Variants in UTY observed in about 807,000 individuals in gnomAD.
UTY encodes histone demethylase UTY.
A neutral mutation model predicts 32.5 loss-of-function variants in UTY; 12 were observed. The observed-to-expected ratio is 0.37, with a 90% CI of 0.24 to 0.60. The LOEUF (loss-of-function observed/expected upper bound fraction) is 0.60, where lower values mean the gene tolerates loss of function less well. Ranked by LOEUF, UTY falls within the 20% of genes least tolerant of loss-of-function variation. UTY has a pLI of 0.69. For missense variants in UTY, 303 were observed against 299.2 expected, an observed-to-expected ratio of 1.01 and a Z score of -0.09; for synonymous variants, 131 against 103.4, an observed-to-expected ratio of 1.27 and a Z score of -1.62.
intron 2 of UTY, among the ~76,000 whole-genome samples, chrY:13,473,813 G>A (rs971856260): frequency 3.0e-5 from 1 of 33,313 alleles, no homozygotes; most frequent in Non-Finnish European, 7.4e-5. Context: ...TTATAATGCA[G>A]ATGAAAAAAT....
At chrY:13,462,172 G>A (rs532851536) in intron 3 of UTY, among the ~76,000 whole-genome samples, 269 of 33,346 alleles carry the variant, frequency 8.1e-3, no homozygotes, top group Non-Finnish European at 0.017. Flanking sequence ...GGTGGCAAAT[G>A]TATTACTGAA....
chrY:13,378,751 G>A (rs2065675164), intron 8 of UTY, among the ~76,000 whole-genome samples: 2 of 32,166 alleles, frequency 6.2e-5, no homozygotes, highest in Non-Finnish European at 1.5e-4. Context: ...CTTCAGCCTG[G>A]GCAACAAAGC....
intron 8 of UTY, among the ~76,000 whole-genome samples, chrY:13,376,207 T>A (rs2065379738): frequency 8.9e-5 from 3 of 33,573 alleles, no homozygotes; most frequent in African/African-American, 3.5e-4. Context: ...TTATTCAATA[T>A]GTGATTTTTA....
At chrY:13,410,383 T>C (rs2149661588) in intron 6 of UTY, among the ~76,000 whole-genome samples, 1 of 33,198 alleles carries the variant, frequency 3.0e-5, no homozygotes, top group Non-Finnish European at 7.5e-5. Flanking sequence ...ACAAAATAGC[T>C]TCACATAGCA....
chrY:13,471,800 C>T, intron 2 of UTY, among the ~76,000 whole-genome samples: 1 of 29,472 alleles, frequency 3.4e-5, no homozygotes, highest in Non-Finnish European at 8.1e-5. Context: ...TCCAGCCTGA[C>T]CAACAGAGTG....
intron 17 of UTY, among the ~76,000 whole-genome samples, chrY:13,350,146 G>A (rs2062239798): frequency 2.9e-5 from 1 of 33,962 alleles, no homozygotes; most frequent in African/African-American, 1.2e-4. Context: ...CTCCAAAACT[G>A]TGAGAAATTT....
chrY:13,305,907 TA>T (rs2058650997), intron 23 of UTY, 130 bp downstream of exon 23: 3 of 208,877 alleles, frequency 1.4e-5, no homozygotes, highest in Non-Finnish European at 2.3e-5. Context: ...CATGTCAACA[TA>T]AAAAAACAAG....
At chrY:13,301,811 A>G (rs2058388732) in intron 25 of UTY, among the ~76,000 whole-genome samples, 1 of 33,653 alleles carries the variant, frequency 3.0e-5, no homozygotes, top group Non-Finnish European at 7.4e-5. Context: ...TAGGTTCAGA[A>G]CAAAGAGTTC....
chrY:13,477,908 T>C (rs752452312), intron 2 of UTY, among the ~76,000 whole-genome samples: 1 of 34,063 alleles, frequency 2.9e-5, no homozygotes, highest in South Asian at 6.3e-4. Context: ...AATCAAAGTT[T>C]AACTCATGTT....
In UTY at chrY:13,335,593, G is replaced by C. The variant is rs369641629; in HGVS notation, c.2804C>G (p.Pro935Arg). 2.5e-5 allele frequency: 10 copies of C among 396,537 alleles called. No individual in the cohort carries two copies. Among genetic ancestry groups the C allele is most frequent in the Non-Finnish European group, 3.5e-5 (10 of 283,109 alleles). Residue 935 changes from proline (P) to arginine (R), a missense_variant, in exon 18 of 30, where the codon CCC becomes CGC. Physicochemically the swap from Pro to Arg is moderately radical, Grantham distance 103. Transcript: ENST00000545955. Reference sequence around the variant, plus strand: ...TGCTTTCAGAACTTCTGTTGAACTGGGGCATATAGACACTGACATTGATGG... The same window carrying C: ...TGCTTTCAGAACTTCTGTTGAACTGCGGCATATAGACACTGACATTGATGG... ...ILPSMSVSIC[P>R]SSTEVLKACR...
chrY:13,398,886 AT>A (rs2068598830), intron 6 of UTY, among the ~76,000 whole-genome samples: 1 of 33,126 alleles, frequency 3.0e-5, no homozygotes, highest in Non-Finnish European at 7.5e-5. Context: ...AATGAAAAAG[AT>A]TTTTTTCTTT....
At chrY:13,390,605 T>A (rs751712386) in intron 8 of UTY, among the ~76,000 whole-genome samples, 583 of 33,750 alleles carry the variant, frequency 0.017, no homozygotes, top group Middle Eastern at 0.042. Context: ...TTGATCATAG[T>A]ATGTTAGCCT....
At chrY:13,480,089 C>T, upstream of UTY, 6 of 56,874 alleles carry the variant, frequency 1.1e-4, no homozygotes, top group South Asian at 7.1e-4. Context: ...CACTGTACTC[C>T]TAGGCTGCTG....
At chrY:13,343,322 G>A in intron 17 of UTY, among the ~76,000 whole-genome samples, 2 of 32,176 alleles carry the variant, frequency 6.2e-5, no homozygotes, top group African/African-American at 1.2e-4. Flanking sequence ...CCATACGATC[G>A]TCACCCTGAT....
intron 18 of UTY, among the ~76,000 whole-genome samples, chrY:13,326,613 T>G: frequency 3.0e-5 from 1 of 33,848 alleles, no homozygotes; most frequent in Non-Finnish European, 7.3e-5. Context: ...AAATTCCTCG[T>G]TATTCATTTT....
At chrY:13,261,922 C>T (rs950518686) in intron 27 of UTY, among the ~76,000 whole-genome samples, 10 of 32,784 alleles carry the variant, frequency 3.1e-4, no homozygotes, top group Admixed American at 2.9e-4. Flanking sequence ...CCAGGGGAGA[C>T]AAGTAAAAAA....
At chrY:13,459,172 T>A (rs761865990) in intron 3 of UTY, among the ~76,000 whole-genome samples, 2 of 32,172 alleles carry the variant, frequency 6.2e-5, no homozygotes, top group Admixed American at 2.8e-4. Flanking sequence ...TAATAAAATT[T>A]AAAAAAAAGT....
At chrY:13,286,955 C>T in intron 27 of UTY, 1 of 380,773 alleles carries the variant, frequency 2.6e-6, no homozygotes, top group South Asian at 3.0e-5. Context: ...ACAAGTATGG[C>T]TATGAAATTC....
At chrY:13,245,032 T>C, downstream of UTY, among the ~76,000 whole-genome samples, 1 of 33,710 alleles carries the variant, frequency 3.0e-5, no homozygotes, top group Admixed American at 2.7e-4. Context: ...TTCACTCTAC[T>C]GATACCTTTG....
Sources: gnomAD v4.1 joint callset for allele counts (sites outside exome capture counted in the v4.1 genomes callset) on GRCh38, gnomAD v4.1.1 for gene constraint, MANE v1.5 for transcripts, NCBI Gene and HGNC (gene_info 2026-07-23, HGNC 2026-07-21) for gene names.